The following ANAPC7 variants were observed in gnomAD, a reference collection of about 807,000 sequenced individuals.
ANAPC7 encodes anaphase-promoting complex subunit 7.
A neutral mutation model predicts 63.3 loss-of-function variants in ANAPC7; 25 were observed. The observed-to-expected ratio is 0.39, with a 90% CI of 0.29 to 0.55. ANAPC7 has a LOEUF of 0.55. Ranked by LOEUF, ANAPC7 falls within the 20% of genes least tolerant of loss-of-function variation. The pLI is 0.57. For synonymous variants in ANAPC7, 241 were observed against 251.7 expected (o/e 0.96, Z 0.40); for missense variants, 516 against 691.7 (o/e 0.75, Z 2.85).
Position 110,382,954 on chromosome 12 carries a change from T to C in ANAPC7, c.824A>G (p.Asp275Gly), listed in dbSNP as rs2137937596. ...TCGTGCCAGTAGGTAGCCATATACATCCATTCCTAGAAGAGAAGGACATAG... is the reference window on the plus strand; with the variant it reads ...TCGTGCCAGTAGGTAGCCATATACACCCATTCCTAGAAGAGAAGGACATAG... ...MLDPYLIKGM[D>G]VYGYLLAREG... is the part of the protein sequence containing the mutation. Residue 275 changes from aspartate (D) to glycine (G), a missense_variant, in exon 7 of 11, where the codon GAT becomes GGT. Asp to Gly is a moderately conservative substitution (Grantham distance 94, BLOSUM62 -1). Around this residue, in one of 4 missense-constraint regions of ANAPC7, gnomAD observed 199 missense variants for 249.3 expected, o/e 0.80. Transcript: ENST00000455511. 1 of 1,612,604 alleles carries C rather than the reference T, an allele frequency of 6.2e-7. No individual in the cohort carries two copies. The highest frequency in any genetic ancestry group is 2.2e-5 in the East Asian group (1 of 44,828).
intron 1 of ANAPC7, among the ~76,000 whole-genome samples, chr12:110,401,630 C>T (rs1241425048): frequency 3.3e-5 from 5 of 152,078 alleles, no homozygotes; most frequent in Admixed American, 2.6e-4. Flanking sequence ...ATGGTTCACG[C>T]CTGTAATCCT....
chr12:110,378,698 A>G (rs1203882768), intron 8 of ANAPC7: 1 of 152,076 alleles, frequency 6.6e-6, no homozygotes, highest in East Asian at 1.9e-4. Context: ...TTTTTGGCAC[A>G]AAGTGCTCAT....
At chr12:110,377,006 G>A (rs1334888304) in intron 9 of ANAPC7, among the ~76,000 whole-genome samples, 1 of 151,492 alleles carries the variant, frequency 6.6e-6, no homozygotes, top group Non-Finnish European at 1.5e-5. Flanking sequence ...GCATGGTGGT[G>A]CACGCCTGTA....
chr12:110,382,925 C>G lies in ANAPC7; in HGVS notation c.853G>C (p.Gly285Arg), dbSNP rs533924949. Reference protein sequence around the residue: ...DVYGYLLAREGRLEDVENLGC... With the variant: ...DVYGYLLARERRLEDVENLGC... ...AGGTTCTCAACATCCTCTAGCCGCCCTTCTCGTGCCAGTAGGTAGCCATAT... is the reference window on the plus strand; with the variant it reads ...AGGTTCTCAACATCCTCTAGCCGCCGTTCTCGTGCCAGTAGGTAGCCATAT... Residue 285 changes from glycine to arginine, a missense_variant, in exon 7 of 11, where the codon GGG (glycine) becomes CGG (arginine). Around this residue, in one of 4 missense-constraint regions of ANAPC7, gnomAD observed 199 missense variants for 249.3 expected, o/e 0.80. Coordinates refer to ENST00000455511, the MANE Select transcript of ANAPC7 (RefSeq NM_016238.3). 3.1e-6 allele frequency: 5 copies of G among 1,613,898 alleles called. No individual in the cohort carries two copies. Among genetic ancestry groups the G allele is most frequent in the Non-Finnish European group, 4.2e-6 (5 of 1,179,862 alleles).
In ANAPC7 at chr12:110,381,667, A is replaced by G. The variant is rs1002637210; in HGVS notation, c.1132+85T>C. ...CCAGATTATTCTAACAGAGTTTGGG[A>G]AGTGCTGGCCTAATGAAACCTTCCA... On this transcript the variant is annotated intron_variant, in intron 8 of 10. Transcript: ENST00000455511. 18 of 1,328,980 alleles carry G rather than the reference A, an allele frequency of 1.4e-5. No homozygotes were observed. In the Admixed American group the frequency reaches 2.1e-4, roughly 15 times the overall value. The allele number at this position is 1,328,980 out of a possible 1,614,324, so 82.3% of individuals were successfully genotyped here. A position where few individuals can be genotyped will look rare whatever the true frequency, so the allele number is the denominator to read the frequency against.
chr12:110,403,688 C>G lies in ANAPC7; in HGVS notation c.-61G>C. 1 of 1,553,570 alleles carries G rather than the reference C, an allele frequency of 6.4e-7. No individual in the cohort carries two copies. The highest frequency in any genetic ancestry group is 8.7e-7 in the Non-Finnish European group (1 of 1,148,028). ...CTGACTCGAAAAGCCGGTAGAGGATCCTTAGGGAAGACTCCAAAATGGCGG... is the reference window on the plus strand; with the variant it reads ...CTGACTCGAAAAGCCGGTAGAGGATGCTTAGGGAAGACTCCAAAATGGCGG... On this transcript the variant is annotated 5_prime_UTR_variant, in exon 1 of 11. Transcript: ENST00000455511.
chr12:110,399,779 A>G (rs1258711932), intron 1 of ANAPC7, among the ~76,000 whole-genome samples: 1 of 136,944 alleles, frequency 7.3e-6, no homozygotes, highest in African/African-American at 2.8e-5. Flanking sequence ...GACGAGAGAG[A>G]GACTCTGTCT....
At chr12:110,389,304 A>C (rs1230005599) in intron 3 of ANAPC7, among the ~76,000 whole-genome samples, 2 of 152,146 alleles carry the variant, frequency 1.3e-5, no homozygotes, top group African/African-American at 4.8e-5. Flanking sequence ...AAGATGAACT[A>C]TCTCACATAA....
chr12:110,382,458 AAAAATATATATAT>A (rs1443158310), intron 7 of ANAPC7, among the ~76,000 whole-genome samples: 6 of 80,490 alleles, frequency 7.5e-5, no homozygotes, highest in South Asian at 3.8e-4. Context: ...AAAAAAAAAA[AAAAATATATATAT>A]ATATATATAT....
Position 110,381,875 on chromosome 12 carries a change from T to G in ANAPC7, c.1009A>C (p.Asn337His). Residue 337 changes from asparagine to histidine, a missense_variant, in exon 8 of 11, where the codon AAT becomes CAT. Transcript: ENST00000455511. ...LGAKAIQLNS[N>H]SVQALLLKGA... ...TTAAGTAGCAGAGCTTGAACACTAT[T>G]ACTGTTCAGCTGAATGGCCTTGGCT... 1 of 1,612,832 alleles carries G rather than the reference T, an allele frequency of 6.2e-7. No individual in the cohort carries two copies. Among genetic ancestry groups the G allele is most frequent in the Non-Finnish European group, 8.5e-7 (1 of 1,179,738 alleles).
chr12:110,399,336 T>C (rs2062190637), intron 1 of ANAPC7, among the ~76,000 whole-genome samples: 1 of 151,596 alleles, frequency 6.6e-6, no homozygotes, highest in African/African-American at 2.4e-5. Flanking sequence ...AATAATTCTG[T>C]AGATAGTTAA....
chr12:110,395,617 G>C (rs1203226152), intron 2 of ANAPC7, among the ~76,000 whole-genome samples: 5 of 150,970 alleles, frequency 3.3e-5, no homozygotes, highest in Non-Finnish European at 7.4e-5. Flanking sequence ...TTTTGAGACA[G>C]AGTCTCGTTC....
In ANAPC7 at chr12:110,376,146, GAC is replaced by G; in HGVS notation, c.1426_1427del (p.Val476ProfsTer14). ...GGAAATCTCCTAGGATCCGATGCAG[GAC>G]ACAGTCACTCTGATTAGCCAGTGCG... ...RNALANQSDC[V>X]LHRILGDFLV... On this transcript the variant is annotated frameshift_variant, in exon 10 of 11. Transcript: ENST00000455511. LOFTEE classifies it high-confidence loss of function. The G allele has an allele frequency of 6.2e-7, 1 of 1,614,080 alleles. No individual in the cohort carries two copies. Among genetic ancestry groups the G allele is most frequent in the Non-Finnish European group, 8.5e-7 (1 of 1,180,020 alleles).
At chr12:110,381,047 C>T (rs780126405) in intron 8 of ANAPC7, among the ~76,000 whole-genome samples, 8 of 147,048 alleles carry the variant, frequency 5.4e-5, no homozygotes, top group Admixed American at 1.4e-4. Context: ...TGGGGGCGAG[C>T]GGTGGGAGGA....
At chr12:110,402,167 T>C (rs1410307030) in intron 1 of ANAPC7, among the ~76,000 whole-genome samples, 4 of 151,212 alleles carry the variant, frequency 2.6e-5, no homozygotes, top group Non-Finnish European at 1.5e-5. Flanking sequence ...AGAGCGAGGC[T>C]GTCTCAAAAA....
chr12:110,382,457 A>ATAT lies in ANAPC7; in HGVS notation c.935+385_935+386insATA, dbSNP rs1251192302. On this transcript the variant is annotated intron_variant, in intron 7 of 10. Transcript: ENST00000455511. ...TTATCCTTTTAAAAAAAAAAAAAAA[A>ATAT]AAAAATATATATATATATATATATA... 8.4e-3 allele frequency among the ~76,000 whole-genome samples: 545 copies of ATAT among 64,616 alleles called. 2 individuals are homozygous for ATAT. Among genetic ancestry groups the ATAT allele is most frequent in the African/African-American group, 0.012 (177 of 14,362 alleles). The allele number at this position is 64,616 out of a possible 152,430, so 42.4% of individuals were successfully genotyped here.
At chr12:110,377,224 AG>A (rs1296308347) in intron 9 of ANAPC7, among the ~76,000 whole-genome samples, 168 bp downstream of exon 9, 2 of 152,026 alleles carry the variant, frequency 1.3e-5, no homozygotes, top group Non-Finnish European at 2.9e-5. Flanking sequence ...GATCTAAGCC[AG>A]CTACGTTTGG....
intron 3 of ANAPC7, among the ~76,000 whole-genome samples, chr12:110,394,365 G>A (rs1455937441): frequency 3.3e-5 from 5 of 151,524 alleles, no homozygotes; most frequent in South Asian, 2.1e-4. Flanking sequence ...GGTGGCTCCC[G>A]CCTGTAATCC....
chr12:110,397,857 T>C (rs2062166656), intron 1 of ANAPC7, among the ~76,000 whole-genome samples: 1 of 151,208 alleles, frequency 6.6e-6, no homozygotes, highest in Non-Finnish European at 1.5e-5. Flanking sequence ...ATTGCGCCAC[T>C]ACACTCCAGC....
Sources: allele counts gnomAD v4.1 joint callset (sites outside exome capture counted in the v4.1 genomes callset), GRCh38; gene constraint gnomAD v4.1.1; regional missense constraint gnomAD v4.1.1; transcripts MANE v1.5; gene names NCBI Gene and HGNC (gene_info 2026-07-23, HGNC 2026-07-21).